Variants in CEP104 observed in about 807,000 individuals in gnomAD.
The protein encoded by CEP104 is centrosomal protein of 104 kDa.
In CEP104, 84 loss-of-function variants were observed where a neutral mutation model predicts 113.3. The ratio of observed to expected loss-of-function variants is 0.74; its 90% CI spans 0.62 to 0.89. The LOEUF is 0.89. Ranked by LOEUF, CEP104 falls within the 40% of genes least tolerant of loss-of-function variation. The pLI is 0.00. For missense variants in CEP104, 1,053 were observed against 1,156.6 expected (o/e 0.91, Z 1.30); for synonymous variants, 378 against 421.7 (o/e 0.90, Z 1.27).
intron 20 of CEP104, among the ~76,000 whole-genome samples, chr1:3,820,696 C>A (rs958304245): frequency 6.6e-6 from 1 of 152,194 alleles, no homozygotes; most frequent in Admixed American, 6.5e-5. Context: ...AGGGCTCACC[C>A]AAGTCCCTCC....
chr1:3,829,905 G>A lies in CEP104; in HGVS notation c.1929C>T (p.Ser643=), dbSNP rs2124656394. The change falls in exon 14 of 22, where the codon TCC becomes TCT. Residue 643 remains serine (S), a synonymous_variant. Coordinates refer to ENST00000378230, the MANE Select transcript of CEP104 (RefSeq NM_014704.4). ...ILDMYRQHQA[S]ILEYLPPDDS... is the part of the protein sequence containing the mutation. The stretch of plus-strand genomic sequence containing the variant: ...CGTCTGGAGGAAGGTACTCCAGGAT[G>A]GAAGCCTGGTGCTGTCTGTACATGT... The A allele has an allele frequency of 6.2e-7, 1 of 1,613,994 alleles. No homozygotes were observed. Among genetic ancestry groups the A allele is most frequent in the South Asian group, 1.1e-5 (1 of 91,070 alleles).
chr1:3,844,818 C>T, intron 6 of CEP104, 89 bp downstream of exon 6: 1 of 1,097,110 alleles, frequency 9.1e-7, no homozygotes, highest in South Asian at 1.3e-5. Context: ...TTTAGAGGCT[C>T]TAAGTCCAGA....
chr1:3,844,866 G>T, intron 6 of CEP104, 41 bp downstream of exon 6: 1 of 1,527,028 alleles, frequency 6.5e-7, no homozygotes, highest in Non-Finnish European at 9.1e-7. Context: ...GGATTCTGAG[G>T]AAAGTAAAAG....
chr1:3,832,665 A>G (rs1644239284), intron 12 of CEP104, among the ~76,000 whole-genome samples: 1 of 152,100 alleles, frequency 6.6e-6, no homozygotes, highest in East Asian at 1.9e-4. Flanking sequence ...GTGGTTCCTC[A>G]TATTTTGGAG....
intron 12 of CEP104, among the ~76,000 whole-genome samples, chr1:3,831,965 C>T (rs970352624): frequency 1.3e-5 from 2 of 152,294 alleles, no homozygotes; most frequent in African/African-American, 4.8e-5. Context: ...ACAGTAAACT[C>T]CTTAACTACA....
At chr1:3,846,481 A>T (rs1644509921) in intron 4 of CEP104, among the ~76,000 whole-genome samples, 1 of 152,252 alleles carries the variant, frequency 6.6e-6, no homozygotes, top group African/African-American at 2.4e-5. Flanking sequence ...AATGCAGGGC[A>T]CATATATTAT....
rs187139488 is a variant in CEP104 at position 3,838,513 on chromosome 1, C to T, written c.891+451G>A. ...AGAACCTTCATTTCCTAATCTGTAA[C>T]GTGGGCTGAGTGCCCCATTTGCATG... On this transcript the variant is annotated intron_variant, in intron 8 of 21. Transcript: ENST00000378230. Among the ~76,000 whole-genome samples the T allele has an allele frequency of 3.9e-5, 6 of 152,302 alleles. No individual in the cohort carries two copies. The East Asian group carries it at 5.8e-4, about 15-fold the overall frequency.
At position 3,815,287 on chromosome 1, in the gene CEP104, C is replaced by T. The variant is rs900872514; in HGVS notation, c.*115G>A. ...CGTAAGAGGCGTGCACGGCGGGGAG[C>T]TGGGGACAGCAGCCAGAGCATGGGG... On this transcript the variant is annotated 3_prime_UTR_variant, in exon 22 of 22. Coordinates refer to ENST00000378230, the MANE Select transcript of CEP104 (RefSeq NM_014704.4). 9 of 759,168 alleles carry T rather than the reference C, an allele frequency of 1.2e-5. No individual in the cohort carries two copies. In the African/African-American group the frequency reaches 1.2e-4, roughly 10 times the overall value. 47.0% of individuals were successfully genotyped at this position (759,168 alleles called of 1,614,324 possible).
chr1:3,830,888 A>G lies in CEP104; in HGVS notation c.1836+158T>C, dbSNP rs1436768658. Among the ~76,000 whole-genome samples, 4 of 152,114 alleles carry G rather than the reference A, an allele frequency of 2.6e-5. No homozygotes were observed. In the East Asian group the frequency reaches 5.8e-4, roughly 22 times the overall value. ...CGAGTAGGATTAGACAGCAGGACGC[A>G]TGTGGGGGCCCCCATTTGTTGGATG... On this transcript the variant is annotated intron_variant, in intron 13 of 21. Transcript: ENST00000378230.
chr1:3,830,736 A>G (rs4648416), intron 13 of CEP104, among the ~76,000 whole-genome samples: 44,939 of 147,010 alleles, frequency 0.31, 8,010 homozygotes, highest in African/African-American at 0.49. Flanking sequence ...AGATGGCACC[A>G]CTGCACCTCC....
intron 8 of CEP104, 132 bp downstream of exon 8, chr1:3,838,832 A>G (rs1286304402): frequency 8.3e-6 from 8 of 965,398 alleles, no homozygotes; most frequent in East Asian, 2.4e-5. Flanking sequence ...GAGGCCATCC[A>G]TAACTGTCCC....
rs1005500033 is a variant in CEP104 at position 3,821,548 on chromosome 1, A to G, written c.2571+1626T>C. Among the ~76,000 whole-genome samples the G allele has an allele frequency of 1.9e-4, 29 of 152,190 alleles. 1 individual carries two copies. Among genetic ancestry groups the G allele is most frequent in the African/African-American group, 6.8e-4 (28 of 41,432 alleles). On this transcript the variant is annotated intron_variant, in intron 20 of 21. Coordinates refer to ENST00000378230, the MANE Select transcript of CEP104 (RefSeq NM_014704.4). ...ATCCCAGCAGATGAACGAAGGAGGG[A>G]TGACAGAATGAGGCCCCTCCTGAGT... is the stretch of plus-strand genomic sequence containing the variant.
At chr1:3,841,205 C>T (rs1029832721) in intron 6 of CEP104, among the ~76,000 whole-genome samples, 1 of 152,134 alleles carries the variant, frequency 6.6e-6, no homozygotes, top group Non-Finnish European at 1.5e-5. Flanking sequence ...AAACACTTGT[C>T]GTAAAAGTGT....
At chr1:3,829,409 G>C (rs779798001) in intron 14 of CEP104, 36 bp from the exon 15 acceptor site, 13 of 1,512,064 alleles carry the variant, frequency 8.6e-6, no homozygotes, top group Admixed American at 1.8e-5. Flanking sequence ...AGAACAGCTT[G>C]TTAGGGTAAT....
In CEP104 at chr1:3,815,294, C is replaced by T. The variant is rs1643863507; in HGVS notation, c.*108G>A. The T allele has an allele frequency of 2.5e-6, 2 of 813,568 alleles. No homozygotes were observed. The highest frequency in any genetic ancestry group is 4.0e-6 in the Non-Finnish European group (2 of 498,946). The allele number at this position is 813,568 out of a possible 1,614,324, so 50.4% of individuals were successfully genotyped here. A position where few individuals can be genotyped will look rare whatever the true frequency, so the allele number is the denominator to read the frequency against. On this transcript the variant is annotated 3_prime_UTR_variant, in exon 22 of 22. Coordinates refer to ENST00000378230, the MANE Select transcript of CEP104 (RefSeq NM_014704.4). ...GGCGTGCACGGCGGGGAGCTGGGGA[C>T]AGCAGCCAGAGCATGGGGCCACCAA... is the stretch of plus-strand genomic sequence containing the variant.
intron 10 of CEP104, 71 bp from the exon 11 acceptor site, chr1:3,835,163 T>G: frequency 1.7e-6 from 2 of 1,195,456 alleles, no homozygotes; most frequent in Non-Finnish European, 2.2e-6. Context: ...TTGAAGGCTT[T>G]GTTTTTTTTT....
Position 3,823,057 on chromosome 1 carries a change from C to T in CEP104, c.2571+117G>A. 1 of 888,364 alleles carries T rather than the reference C, an allele frequency of 1.1e-6. No individual in the cohort carries two copies. The allele number at this position is 888,364 out of a possible 1,614,324, so 55.0% of individuals were successfully genotyped here. On this transcript the variant is annotated intron_variant, in intron 20 of 21. Transcript: ENST00000378230. This position sits in a 1 kb window ranked among gnomAD's most constrained non-coding sequence, Gnocchi z 4.1. ...CACTAGACGCTGTCCCCTCCCTGAA[C>T]ACTCATGTACTGTACTCTGTGGCTA...
At position 3,836,566 on chromosome 1, in the gene CEP104, C is replaced by G. The variant is rs756587465; in HGVS notation, c.1246G>C (p.Glu416Gln). The change falls in exon 10 of 22, where the codon GAG becomes CAG. Residue 416 changes from glutamate (E) to glutamine (Q), a missense_variant. Physicochemically the swap from Glu to Gln is conservative, Grantham distance 29. Transcript: ENST00000378230. ...GCCTTCTCGGTTAAGGGCTCTGGCT[C>G]CCCTAACATGCCTCCCCTCCGAGCA... ...SDARRGGMLG[E>Q]PEPLTEKALR... is the part of the protein sequence containing the mutation. 1.2e-6 allele frequency: 2 copies of G among 1,607,026 alleles called. No homozygotes were observed. The highest frequency in any genetic ancestry group is 1.4e-5 in the African/African-American group (1 of 73,042).
At chr1:3,835,945 A>T (rs1006073715) in intron 10 of CEP104, among the ~76,000 whole-genome samples, 1 of 151,204 alleles carries the variant, frequency 6.6e-6, no homozygotes, top group Middle Eastern at 3.2e-3. Context: ...TCAAGGCTAT[A>T]GTGAGTTATG....
Sources: allele counts gnomAD v4.1 joint callset (sites outside exome capture counted in the v4.1 genomes callset), GRCh38; gene constraint gnomAD v4.1.1; non-coding constraint Gnocchi (gnomAD v3.1); transcripts MANE v1.5; gene names NCBI Gene and HGNC (gene_info 2026-07-23, HGNC 2026-07-21).